SNX18: variants seen among roughly 807,000 people sequenced by gnomAD.
SNX18 encodes the protein sorting nexin 18.
SNX18 carries 35 observed loss-of-function variants against 48.7 expected under a neutral mutation model. That is an observed-to-expected ratio of 0.72 (90% CI 0.55 to 0.95). SNX18 has a LOEUF of 0.95. SNX18 is among the 40% of genes least tolerant of loss of function. The pLI, the probability that SNX18 is intolerant of heterozygous loss-of-function variation, is 0.00. For missense variants in SNX18, 824 were observed against 871.0 expected (o/e 0.95, Z 0.68); for synonymous variants, 492 against 384.7 (o/e 1.28, Z -3.26).
At chr5:54,625,275 C>T in the SNX18 span, among the ~76,000 whole-genome samples, 461 of 152,260 alleles carry the variant, frequency 3.0e-3, 3 homozygotes, top group African/African-American at 0.011. Flanking sequence ...CAGAATTCTG[C>T]GGGTCCGGCC....
chr5:54,647,753 G>A, the SNX18 span, among the ~76,000 whole-genome samples: 2 of 152,200 alleles, frequency 1.3e-5, no homozygotes, highest in Non-Finnish European at 2.9e-5. Flanking sequence ...GGAAGGCTAA[G>A]TAGCAGATCA....
chr5:54,602,091 C>G, the SNX18 span, among the ~76,000 whole-genome samples: 1 of 152,178 alleles, frequency 6.6e-6, no homozygotes, highest in African/African-American at 2.4e-5. Flanking sequence ...CAAAGCTCCT[C>G]CAAGAATATG....
At chr5:54,636,291 A>G in the SNX18 span, among the ~76,000 whole-genome samples, 3 of 151,816 alleles carry the variant, frequency 2.0e-5, no homozygotes, top group African/African-American at 7.3e-5. Context: ...TCACTTTTTC[A>G]TTTTCACAAC....
chr5:54,554,088 C>G, the SNX18 span, among the ~76,000 whole-genome samples: 2 of 152,242 alleles, frequency 1.3e-5, no homozygotes, highest in Non-Finnish European at 2.9e-5. Flanking sequence ...CTTTTACCAC[C>G]AGATTGCCCT....
chr5:54,539,620 C>T (rs1762427584), intron 1 of SNX18, among the ~76,000 whole-genome samples: 1 of 152,074 alleles, frequency 6.6e-6, no homozygotes, highest in Non-Finnish European at 1.5e-5. Flanking sequence ...GGTAGTGTGC[C>T]TGCCCTGACG....
chr5:54,604,812 A>T, the SNX18 span, among the ~76,000 whole-genome samples: 1 of 152,192 alleles, frequency 6.6e-6, no homozygotes, highest in African/African-American at 2.4e-5. Flanking sequence ...CAAACCAAAA[A>T]TGACATGCTG....
intron 1 of SNX18, among the ~76,000 whole-genome samples, chr5:54,539,059 G>T (rs151304890): frequency 4.6e-5 from 7 of 152,054 alleles, no homozygotes; most frequent in East Asian, 1.9e-4. Context: ...TTTAGACAGG[G>T]TCTCACTTTA....
chr5:54,539,277 G>C (rs1233443790), intron 1 of SNX18, among the ~76,000 whole-genome samples: 1 of 151,442 alleles, frequency 6.6e-6, no homozygotes, highest in Non-Finnish European at 1.5e-5. Context: ...GGGTTACCTG[G>C]ATGACTGTCA....
chr5:54,644,858 T>C, the SNX18 span: 1 of 152,310 alleles, frequency 6.6e-6, no homozygotes, highest in African/African-American at 2.4e-5. Context: ...AAACAAGCTC[T>C]GGACTGCTAA....
At chr5:54,632,736 T>A in the SNX18 span, among the ~76,000 whole-genome samples, 1 of 152,124 alleles carries the variant, frequency 6.6e-6, no homozygotes, top group African/African-American at 2.4e-5. Context: ...AAGCCACAGA[T>A]AAGAAACAAT....
At chr5:54,572,641 TA>T in the SNX18 span, among the ~76,000 whole-genome samples, 27 of 151,662 alleles carry the variant, frequency 1.8e-4, no homozygotes, top group East Asian at 4.4e-3. Flanking sequence ...TGTTGCGTTC[TA>T]TTTCATAATA....
the SNX18 span, among the ~76,000 whole-genome samples, chr5:54,554,832 G>T: frequency 6.6e-6 from 1 of 152,202 alleles, no homozygotes; most frequent in Admixed American, 6.5e-5. Flanking sequence ...ATAATATCGA[G>T]CAGGGATTTC....
the SNX18 span, among the ~76,000 whole-genome samples, chr5:54,625,200 A>G: frequency 1.3e-5 from 2 of 152,146 alleles, no homozygotes; most frequent in Non-Finnish European, 2.9e-5. Context: ...TCTATTGTGT[A>G]TAACAAATCA....
chr5:54,606,330 A>G, the SNX18 span, among the ~76,000 whole-genome samples: 1 of 152,236 alleles, frequency 6.6e-6, no homozygotes, highest in Admixed American at 6.5e-5. Context: ...TGATTCATCT[A>G]TCATAAAAAT....
chr5:54,586,515 G>C, the SNX18 span, among the ~76,000 whole-genome samples: 1 of 152,218 alleles, frequency 6.6e-6, no homozygotes, highest in Admixed American at 6.5e-5. Context: ...CTGGCATCTG[G>C]CAAGGGTCAC....
chr5:54,539,605 G>A (rs774261186), intron 1 of SNX18, among the ~76,000 whole-genome samples: 1 of 151,980 alleles, frequency 6.6e-6, no homozygotes. Context: ...TTCACTTTGC[G>A]TCAGGGTAGT....
the SNX18 span, among the ~76,000 whole-genome samples, chr5:54,617,657 C>A: frequency 1.7e-4 from 26 of 152,286 alleles, no homozygotes; most frequent in Non-Finnish European, 3.1e-4. Flanking sequence ...AATTATAGCA[C>A]TGAGTGAAGT....
At chr5:54,600,271 C>T in the SNX18 span, among the ~76,000 whole-genome samples, 13 of 152,258 alleles carry the variant, frequency 8.5e-5, no homozygotes, top group East Asian at 2.3e-3. Context: ...CAAAAAACCA[C>T]AATGAGATAC....
the SNX18 span, among the ~76,000 whole-genome samples, chr5:54,623,249 A>G: frequency 1.3e-5 from 2 of 152,220 alleles, no homozygotes; most frequent in East Asian, 3.9e-4. Flanking sequence ...AATAGGAGGC[A>G]GCATGAGAAG....
Sources: allele counts gnomAD v4.1 joint callset (sites outside exome capture counted in the v4.1 genomes callset), GRCh38; gene constraint gnomAD v4.1.1; transcripts MANE v1.5; gene names NCBI Gene and HGNC (gene_info 2026-07-23, HGNC 2026-07-21).